Variants in KPNA3 observed in about 807,000 individuals in gnomAD.
KPNA3 encodes the protein importin subunit alpha-4.
A neutral mutation model predicts 73.8 loss-of-function variants in KPNA3; 13 were observed. That is an observed-to-expected ratio of 0.18 (90% confidence interval 0.11 to 0.28). The LOEUF is 0.28. Ranked by LOEUF, KPNA3 falls within the 10% of genes least tolerant of loss-of-function variation. The probability of loss-of-function intolerance (pLI) is 1.00; values close to 1 mark genes in which losing one functional copy is unlikely to be tolerated. For missense variants in KPNA3, 360 were observed against 618.1 expected (o/e 0.58, Z 4.43); for synonymous variants, 186 against 206.9 (o/e 0.90, Z 0.87).
At chr13:49,743,043 G>A (rs564253081) in intron 2 of KPNA3, among the ~76,000 whole-genome samples, 6 of 152,234 alleles carry the variant, frequency 3.9e-5, no homozygotes, top group Admixed American at 2.0e-4. Context: ...TGGGAGGCTG[G>A]GGTGGAGGGA....
chr13:49,773,737 ACTG>A (rs1954874015), intron 1 of KPNA3, among the ~76,000 whole-genome samples: 2 of 152,206 alleles, frequency 1.3e-5, no homozygotes, highest in Admixed American at 1.3e-4. Context: ...CCAAACTCAC[ACTG>A]CTGAAGTCTA....
intron 2 of KPNA3, among the ~76,000 whole-genome samples, chr13:49,741,556 C>T (rs1954574511): frequency 6.6e-6 from 1 of 151,886 alleles, no homozygotes; most frequent in Non-Finnish European, 1.5e-5. Context: ...CAGGTTCACG[C>T]CATTCTCCTG....
At chr13:49,732,839 T>G in intron 3 of KPNA3, 63 bp from the exon 4 acceptor site, 2 of 1,373,494 alleles carry the variant, frequency 1.5e-6, no homozygotes, top group South Asian at 1.3e-5. Context: ...CATTAAACAG[T>G]GTACCTGAGT....
intron 1 of KPNA3, among the ~76,000 whole-genome samples, chr13:49,784,354 C>T (rs1483915479): frequency 1.3e-5 from 2 of 152,118 alleles, no homozygotes; most frequent in African/African-American, 2.4e-5. Flanking sequence ...GTAATTAGGA[C>T]AGTCTATTAG....
chr13:49,708,199 G>A (rs1954226082), intron 12 of KPNA3, among the ~76,000 whole-genome samples: 1 of 152,030 alleles, frequency 6.6e-6, no homozygotes, highest in African/African-American at 2.4e-5. Context: ...GTTTCACTGT[G>A]TTAGCCAGGA....
Position 49,701,874 on chromosome 13 carries a change from G to T in KPNA3, c.1492C>A (p.Pro498Thr), listed in dbSNP as rs1203335315. 4 of 1,611,690 alleles carry T rather than the reference G, an allele frequency of 2.5e-6. No individual in the cohort carries two copies. Among genetic ancestry groups the T allele is most frequent in the South Asian group, 1.1e-5 (1 of 91,022 alleles). Residue 498 changes from proline (P) to threonine (T), a missense_variant, in exon 17 of 17, where the codon CCT becomes ACT. By Grantham distance (38) the Pro-to-Thr change is conservative. Transcript: ENST00000261667. ...DDIDEDPCLI[P>T]EATQGGTYNF... ...TAGGTACCTCCTTGTGTTGCTTCAG[G>T]AATGAGGCAGGGATCTTCATCAATC...
At chr13:49,775,162 C>CAAAAAAA (rs60494803) in intron 1 of KPNA3, among the ~76,000 whole-genome samples, 540 of 92,960 alleles carry the variant, frequency 5.8e-3, no homozygotes, top group Middle Eastern at 6.9e-3. Flanking sequence ...GACTCTGTCT[C>CAAAAAAA]AAAAAAAAAA....
intron 1 of KPNA3, among the ~76,000 whole-genome samples, chr13:49,780,610 T>C (rs1954933338): frequency 1.3e-5 from 2 of 152,144 alleles, no homozygotes; most frequent in Non-Finnish European, 1.5e-5. Context: ...TGCACAAATC[T>C]ATTTCACTGT....
chr13:49,733,148 A>G, intron 2 of KPNA3, 102 bp from the exon 3 acceptor site: 1 of 748,994 alleles, frequency 1.3e-6, no homozygotes, highest in Non-Finnish European at 2.4e-6. Flanking sequence ...TGAAACAAAT[A>G]CTGAACACAT....
At chr13:49,753,026 CAAAAAAAAAAAAAAAA>C (rs71078888) in intron 1 of KPNA3, among the ~76,000 whole-genome samples, 5 of 82,204 alleles carry the variant, frequency 6.1e-5, no homozygotes, top group Non-Finnish European at 1.1e-4. Flanking sequence ...GACTCTGTCT[CAAAAAAAAAAAAAAAA>C]AAAAAAAAAA....
Position 49,699,702 on chromosome 13 carries a change from T to G in KPNA3, c.*2098A>C, listed in dbSNP as rs1954130710. 2.0e-5 allele frequency: 3 copies of G among 152,746 alleles called. No homozygotes were observed. The South Asian group carries it at 6.2e-4, about 32-fold the overall frequency. The allele number at this position is 152,746 out of a possible 1,614,324, so 9.5% of individuals were successfully genotyped here. A position where few individuals can be genotyped will look rare whatever the true frequency, so the allele number is the denominator to read the frequency against. On this transcript the variant is annotated 3_prime_UTR_variant, in exon 17 of 17. Transcript: ENST00000261667. Reference sequence around the variant, plus strand: ...AATTTTAATCATAATGTGTGCAAATTTTAAAAGGTAACTGTCAGTTAAGTA... The same window carrying G: ...AATTTTAATCATAATGTGTGCAAATGTTAAAAGGTAACTGTCAGTTAAGTA...
At chr13:49,773,261 G>T (rs1218332815) in intron 1 of KPNA3, among the ~76,000 whole-genome samples, 1 of 152,154 alleles carries the variant, frequency 6.6e-6, no homozygotes, top group East Asian at 1.9e-4. Context: ...TGGGAAGACA[G>T]AAATATTTAC....
chr13:49,757,724 A>C (rs1594452742), intron 1 of KPNA3, among the ~76,000 whole-genome samples: 1 of 152,160 alleles, frequency 6.6e-6, no homozygotes, highest in East Asian at 1.9e-4. Context: ...CCTGTACGCA[A>C]ATGTTTACAA....
At chr13:49,737,552 T>C (rs1412963453) in intron 2 of KPNA3, among the ~76,000 whole-genome samples, 1 of 129,916 alleles carries the variant, frequency 7.7e-6, no homozygotes, top group Non-Finnish European at 1.6e-5. Context: ...TACTATTAAG[T>C]GTGTGTGTCT....
intron 1 of KPNA3, among the ~76,000 whole-genome samples, chr13:49,777,375 T>C (rs1200277410): frequency 6.6e-6 from 1 of 152,166 alleles, no homozygotes; most frequent in Non-Finnish European, 1.5e-5. Context: ...GATGCATAAG[T>C]CCCTTTATAT....
chr13:49,706,871 C>T (rs1954212487), intron 12 of KPNA3, among the ~76,000 whole-genome samples: 1 of 152,156 alleles, frequency 6.6e-6, no homozygotes, highest in Admixed American at 6.5e-5. Flanking sequence ...GCCTCAGTCT[C>T]CCGAGTAGCT....
intron 2 of KPNA3, among the ~76,000 whole-genome samples, chr13:49,744,341 A>G (rs551147327): frequency 6.6e-6 from 1 of 152,332 alleles, no homozygotes; most frequent in South Asian, 2.1e-4. Context: ...TGCAAATATG[A>G]TTACCAAAGT....
intron 9 of KPNA3, among the ~76,000 whole-genome samples, chr13:49,721,569 C>T (rs796320476): frequency 2.6e-5 from 4 of 152,300 alleles, no homozygotes; most frequent in African/African-American, 7.2e-5. Flanking sequence ...CCTGTCATCC[C>T]AGCACTTTGG....
In KPNA3 at chr13:49,701,689, C is replaced by T; in HGVS notation, c.*111G>A. ...ATGGCTTGCTTTAGAAGCATCAAAA[C>T]AAAGAGGCATGTGTGTTTTGGAGCC... is the stretch of plus-strand genomic sequence containing the variant. On this transcript the variant is annotated 3_prime_UTR_variant, in exon 17 of 17. Coordinates refer to ENST00000261667, the MANE Select transcript of KPNA3 (RefSeq NM_002267.4). 1.2e-6 allele frequency: 1 copy of T among 800,478 alleles called. No homozygotes were observed. The highest frequency in any genetic ancestry group is 2.3e-6 in the Non-Finnish European group (1 of 443,694). 49.6% of individuals were successfully genotyped at this position (800,478 alleles called of 1,614,324 possible).
Sources: gnomAD v4.1 joint callset for allele counts (sites outside exome capture counted in the v4.1 genomes callset) on GRCh38, gnomAD v4.1.1 for gene constraint, MANE v1.5 for transcripts, NCBI Gene and HGNC (gene_info 2026-07-23, HGNC 2026-07-21) for gene names.